UBE2D2: variants seen among roughly 807,000 people sequenced by gnomAD.
UBE2D2 encodes ubiquitin-conjugating enzyme E2 D2.
UBE2D2 carries 2 observed loss-of-function variants against 24.2 expected under a neutral mutation model. The observed-to-expected ratio is 0.08, with a 90% CI of 0.03 to 0.26. The LOEUF (loss-of-function observed/expected upper bound fraction) is 0.26, where lower values mean the gene tolerates loss of function less well. UBE2D2 is among the 10% of genes least tolerant of loss of function. UBE2D2 has a pLI of 1.00. For synonymous variants in UBE2D2, 58 were observed against 56.5 expected, an observed-to-expected ratio of 1.03 and a Z score of -0.12; for missense variants, 44 against 177.6, an observed-to-expected ratio of 0.25 and a Z score of 4.28.
At chr5:139,550,032 C>G (rs1480144655) in intron 1 of UBE2D2, among the ~76,000 whole-genome samples, 1 of 152,166 alleles carries the variant, frequency 6.6e-6, no homozygotes, top group Admixed American at 6.5e-5. Flanking sequence ...AATCAGCACC[C>G]TGTGTCTAGC....
intron 1 of UBE2D2, among the ~76,000 whole-genome samples, chr5:139,562,755 T>C (rs2126647304): frequency 6.6e-6 from 1 of 152,340 alleles, no homozygotes; most frequent in East Asian, 1.9e-4. Flanking sequence ...TTCCTAATAA[T>C]ACATCTAGAC....
chr5:139,611,386 C>T (rs1020594418), intron 2 of UBE2D2, among the ~76,000 whole-genome samples: 7 of 151,862 alleles, frequency 4.6e-5, no homozygotes, highest in African/African-American at 2.4e-5. Flanking sequence ...CGGGGTTTCA[C>T]TATGTTGGTC....
Position 139,574,983 on chromosome 5 carries a change from A to T in UBE2D2, c.24+13168A>T, listed in dbSNP as rs186488847. ...TATTCACAGTACCCGATACTTAGAA[A>T]CAACTCAGATATCCATCATTAGCTG... On this transcript the variant is annotated intron_variant, in intron 1 of 6. Coordinates refer to ENST00000398733, the MANE Select transcript of UBE2D2 (RefSeq NM_003339.3). Among the ~76,000 whole-genome samples, 573 of 152,334 alleles carry T rather than the reference A, an allele frequency of 3.8e-3. 4 individuals carry two copies. The highest frequency in any genetic ancestry group is 6.0e-3 in the Admixed American group (91 of 15,280).
At chr5:139,574,744 A>AAAAAAAAAG (rs1561507765) in intron 1 of UBE2D2, among the ~76,000 whole-genome samples, 1 of 149,466 alleles carries the variant, frequency 6.7e-6, no homozygotes, top group African/African-American at 2.4e-5. Context: ...GCAAAAAAAA[A>AAAAAAAAAG]AAAAAAAAAG....
At position 139,599,498 on chromosome 5, in the gene UBE2D2, A is replaced by T. The variant is rs373952890; in HGVS notation, c.25-874A>T. The stretch of plus-strand genomic sequence containing the variant: ...ACGCCTGTAATCCCAGCACTTTGGG[A>T]GGCCAAGGTGGGCGGATCACCAGGT... On this transcript the variant is annotated intron_variant, in intron 1 of 6. Transcript: ENST00000398733. The T allele has an allele frequency of 6.6e-5, 10 of 151,982 alleles. No individual in the cohort carries two copies. In the East Asian group the frequency reaches 1.6e-3, roughly 24 times the overall value. 9.4% of individuals were successfully genotyped at this position (151,982 alleles called of 1,614,324 possible).
At chr5:139,608,625 C>T (rs1003465670) in intron 2 of UBE2D2, among the ~76,000 whole-genome samples, 8 of 152,038 alleles carry the variant, frequency 5.3e-5, no homozygotes, top group African/African-American at 1.4e-4. Context: ...GGTATTCTTT[C>T]CATAATTATA....
chr5:139,545,363 C>T (rs138940064), intron 1 of UBE2D2, among the ~76,000 whole-genome samples: 152 of 151,522 alleles, frequency 1.0e-3, no homozygotes, highest in African/African-American at 2.8e-3. Context: ...CCACTGCTCT[C>T]AGCTTTGTCT....
upstream of UBE2D2, among the ~76,000 whole-genome samples, chr5:139,558,516 C>T (rs995090212): frequency 7.9e-5 from 12 of 152,168 alleles, no homozygotes; most frequent in Non-Finnish European, 1.5e-4. Flanking sequence ...TCTTGATCTC[C>T]TGACCTCGTG....
chr5:139,578,960 GTTTA>G (rs759110727), intron 1 of UBE2D2, among the ~76,000 whole-genome samples: 49 of 152,060 alleles, frequency 3.2e-4, no homozygotes, highest in Admixed American at 2.0e-3. Flanking sequence ...TTTTATTTTT[GTTTA>G]TTTATTTATT....
chr5:139,619,079 A>C lies in UBE2D2; in HGVS notation c.304+4113A>C, dbSNP rs1754467271. On this transcript the variant is annotated intron_variant, in intron 5 of 6. Coordinates refer to ENST00000398733, the MANE Select transcript of UBE2D2 (RefSeq NM_003339.3). ...TTTGATTATATGTTTTTAGAAGTGA[A>C]AGTAACTGTTGCTGTAACACTAGTG... Among the ~76,000 whole-genome samples, 8 of 152,192 alleles carry C rather than the reference A, an allele frequency of 5.3e-5. No homozygotes were observed. The South Asian group carries it at 1.7e-3, about 32-fold the overall frequency.
chr5:139,600,380 T>C lies in UBE2D2; in HGVS notation c.33T>C (p.Asn11=). MALKRIHKEL[N]DLARDPPAQC... ...CTTTCTTTTTTCTGTAGGAATTGAA[T>C]GATCTGGCACGGGACCCTCCAGCAC... The change falls in exon 2 of 7, where the codon AAT becomes AAC. Residue 11 remains asparagine, a synonymous_variant. Coordinates refer to ENST00000398733, the MANE Select transcript of UBE2D2 (RefSeq NM_003339.3). The C allele has an allele frequency of 6.2e-7, 1 of 1,614,104 alleles. No individual in the cohort carries two copies. The highest frequency in any genetic ancestry group is 8.5e-7 in the Non-Finnish European group (1 of 1,180,024).
chr5:139,543,972 A>G lies in UBE2D2; in HGVS notation c.-64+17360A>G, dbSNP rs1752789713. Among the ~76,000 whole-genome samples, 5 of 120,128 alleles carry G rather than the reference A, an allele frequency of 4.2e-5. No homozygotes were observed. The South Asian group carries it at 1.3e-3, about 32-fold the overall frequency. The allele number at this position is 120,128 out of a possible 152,430, so 78.8% of individuals were successfully genotyped here. On this transcript the variant is annotated intron_variant, in intron 1 of 6. Transcript: ENST00000511725. Reference sequence around the variant, plus strand: ...TGATTTAGGGAACCCCACAGAAGACAAAGGATTTTTTTCTATTTCTTTGTT... The same window carrying G: ...TGATTTAGGGAACCCCACAGAAGACGAAGGATTTTTTTCTATTTCTTTGTT...
At chr5:139,621,916 C>T (rs959670579) in intron 5 of UBE2D2, among the ~76,000 whole-genome samples, 2 of 152,100 alleles carry the variant, frequency 1.3e-5, no homozygotes, top group Non-Finnish European at 2.9e-5. Context: ...AGCCATCGCA[C>T]TTGGAATTTT....
intron 1 of UBE2D2, among the ~76,000 whole-genome samples, chr5:139,575,366 G>A (rs1740496185): frequency 6.6e-6 from 1 of 151,994 alleles, no homozygotes; most frequent in African/African-American, 2.4e-5. Flanking sequence ...TACGGAATTG[G>A]TATAATCTCA....
chr5:139,573,313 GAAAA>G (rs1230016528), intron 1 of UBE2D2, among the ~76,000 whole-genome samples: 3 of 132,132 alleles, frequency 2.3e-5, no homozygotes, highest in South Asian at 4.8e-4. Context: ...AAAAAAAAAA[GAAAA>G]AAAAAAAAGT....
intron 1 of UBE2D2, among the ~76,000 whole-genome samples, chr5:139,556,000 G>A (rs1351405606): frequency 6.6e-6 from 1 of 150,870 alleles, no homozygotes; most frequent in Non-Finnish European, 1.5e-5. Context: ...ACTTCGGGAG[G>A]CTGAGGTGGG....
chr5:139,558,483 T>A (rs757009204), upstream of UBE2D2, among the ~76,000 whole-genome samples: 1 of 151,936 alleles, frequency 6.6e-6, no homozygotes, highest in Non-Finnish European at 1.5e-5. Flanking sequence ...AGAGACGGGG[T>A]TTCACCGTGT....
At chr5:139,596,396 C>A (rs756399240) in intron 1 of UBE2D2, among the ~76,000 whole-genome samples, 1 of 151,716 alleles carries the variant, frequency 6.6e-6, no homozygotes, top group Admixed American at 6.6e-5. Context: ...TGGGTTCAAG[C>A]GATTCTCCTG....
At chr5:139,569,325 G>A (rs928800366) in intron 1 of UBE2D2, among the ~76,000 whole-genome samples, 1 of 151,990 alleles carries the variant, frequency 6.6e-6, no homozygotes, top group South Asian at 2.1e-4. Context: ...AACAGCCATC[G>A]AGGATAACTG....
Sources: gnomAD v4.1 joint callset for allele counts (sites outside exome capture counted in the v4.1 genomes callset) on GRCh38, gnomAD v4.1.1 for gene constraint, MANE v1.5 for transcripts, NCBI Gene and HGNC (gene_info 2026-07-23, HGNC 2026-07-21) for gene names.